MEIKIN: variants seen among roughly 807,000 people sequenced by gnomAD.
The protein encoded by MEIKIN is meiosis-specific kinetochore protein.
At chr5:131,943,366 T>C (rs1751906647) in intron 3 of MEIKIN, among the ~76,000 whole-genome samples, 1 of 152,126 alleles carries the variant, frequency 6.6e-6, no homozygotes, top group South Asian at 2.1e-4. Flanking sequence ...TGAAACATGA[T>C]CCAACCTGTG....
chr5:131,927,154 A>G (rs1047071381), intron 5 of MEIKIN, among the ~76,000 whole-genome samples: 1 of 149,598 alleles, frequency 6.7e-6, no homozygotes, highest in Non-Finnish European at 1.5e-5. Context: ...TGCTTTTGCT[A>G]TATCCCACGT....
chr5:131,910,968 C>T (rs1435253036), intron 8 of MEIKIN, among the ~76,000 whole-genome samples: 1 of 152,064 alleles, frequency 6.6e-6, no homozygotes, highest in Admixed American at 6.6e-5. Context: ...ACACTTACCA[C>T]TTTCCCTTTA....
intron 6 of MEIKIN, among the ~76,000 whole-genome samples, chr5:131,917,786 T>C (rs1751437064): frequency 6.6e-6 from 1 of 152,132 alleles, no homozygotes; most frequent in Non-Finnish European, 1.5e-5. Flanking sequence ...TTATGTTAGA[T>C]TAGAATTTTT....
At chr5:131,814,702 T>A (rs896081984) in intron 12 of MEIKIN, among the ~76,000 whole-genome samples, 1 of 152,196 alleles carries the variant, frequency 6.6e-6, no homozygotes, top group African/African-American at 2.4e-5. Flanking sequence ...GAATATAGGA[T>A]AATCAAGTCT....
Position 131,941,569 on chromosome 5 carries a change from A to T in MEIKIN, c.349+1066T>A, listed in dbSNP as rs182159303. The stretch of plus-strand genomic sequence containing the variant: ...TTTTCCTGCTGTTGATATGTTCATC[A>T]ATCTTGTCTCATTTGCTTTTAAGAA... On this transcript the variant is annotated intron_variant, in intron 4 of 12. Transcript: ENST00000442687. 1.1e-3 allele frequency among the ~76,000 whole-genome samples: 163 copies of T among 152,182 alleles called. 2 individuals are homozygous for T. Among genetic ancestry groups the T allele is most frequent in the Non-Finnish European group, 2.5e-4 (17 of 68,002 alleles).
intron 9 of MEIKIN, among the ~76,000 whole-genome samples, chr5:131,868,838 T>C (rs534199735): frequency 2.0e-5 from 3 of 152,310 alleles, no homozygotes; most frequent in East Asian, 3.9e-4. Context: ...CTGGCCCTTA[T>C]TGTTGAATTT....
At chr5:131,935,737 T>C (rs1427642143) in intron 4 of MEIKIN, among the ~76,000 whole-genome samples, 2 of 152,182 alleles carry the variant, frequency 1.3e-5, no homozygotes, top group Non-Finnish European at 2.9e-5. Flanking sequence ...TCTTTGTCCT[T>C]CCTCCTAAGA....
intron 10 of MEIKIN, among the ~76,000 whole-genome samples, chr5:131,852,186 A>T (rs1489284700): frequency 6.6e-6 from 1 of 151,974 alleles, no homozygotes; most frequent in Non-Finnish European, 1.5e-5. Flanking sequence ...CAAGGGAGGG[A>T]CCCGGTGTGA....
chr5:131,870,924 T>C lies in MEIKIN; in HGVS notation c.774+8054A>G, dbSNP rs565002997. ...CTAGTGTAGTAGAAAGAGTATAGGC[T>C]TTAGATCCGGAAAGACCTGCCACAA... is the stretch of plus-strand genomic sequence containing the variant. On this transcript the variant is annotated intron_variant, in intron 9 of 12. Transcript: ENST00000442687. Among the ~76,000 whole-genome samples the C allele has an allele frequency of 2.0e-4, 30 of 152,242 alleles. No homozygotes were observed. The South Asian group carries it at 6.2e-3, about 32-fold the overall frequency.
At chr5:131,864,322 T>C (rs1472933099) in intron 9 of MEIKIN, among the ~76,000 whole-genome samples, 1 of 152,220 alleles carries the variant, frequency 6.6e-6, no homozygotes, top group African/African-American at 2.4e-5. Context: ...CCTTTGTGTG[T>C]TTGCTTTACT....
intron 11 of MEIKIN, among the ~76,000 whole-genome samples, chr5:131,823,668 C>T (rs538852796): frequency 9.2e-5 from 14 of 152,100 alleles, no homozygotes; most frequent in Non-Finnish European, 1.9e-4. Flanking sequence ...ACATATATCT[C>T]TGTTCTCCAG....
rs1750769440 is a variant in MEIKIN, at chr5:131,885,366, AG to A, written c.704-6319del. On this transcript the variant is annotated intron_variant, in intron 8 of 12. Transcript: ENST00000442687. ...AAGAGAGAGAGAGAGAGAGAGAGAG[AG>A]AGAGAGAGAGAGAGAGAGAGAGAGA... Among the ~76,000 whole-genome samples the A allele has an allele frequency of 4.1e-3, 280 of 69,060 alleles. 9 individuals are homozygous for A. The highest frequency in any genetic ancestry group is 0.01 in the African/African-American group (225 of 21,926). The allele number at this position is 69,060 out of a possible 152,430, so 45.3% of individuals were successfully genotyped here.
intron 8 of MEIKIN, among the ~76,000 whole-genome samples, chr5:131,885,086 C>T (rs959019184): frequency 6.6e-6 from 1 of 152,150 alleles, no homozygotes; most frequent in Non-Finnish European, 1.5e-5. Context: ...TCTGGACCTG[C>T]CCAGGGTCTG....
intron 3 of MEIKIN, among the ~76,000 whole-genome samples, 161 bp from the exon 4 acceptor site, chr5:131,942,856 A>G (rs1751896837): frequency 6.6e-6 from 1 of 152,154 alleles, no homozygotes. Context: ...ATGTAATCTG[A>G]TATTTAATAT....
intron 12 of MEIKIN, among the ~76,000 whole-genome samples, chr5:131,808,844 G>A (rs1772896107): frequency 6.6e-6 from 1 of 152,178 alleles, no homozygotes; most frequent in African/African-American, 2.4e-5. Flanking sequence ...GGGAGGCCAA[G>A]GTGAGCAGAT....
intron 11 of MEIKIN, among the ~76,000 whole-genome samples, chr5:131,825,961 G>A (rs73259915): frequency 2.0e-5 from 3 of 152,210 alleles, no homozygotes; most frequent in African/African-American, 4.8e-5. Context: ...TTAGAAATGT[G>A]TACCAAGAAA....
chr5:131,907,733 G>A (rs893498378), intron 8 of MEIKIN, among the ~76,000 whole-genome samples: 7 of 151,684 alleles, frequency 4.6e-5, no homozygotes, highest in African/African-American at 9.7e-5. Flanking sequence ...TTAGCCGGGC[G>A]TGGTGGCATG....
At chr5:131,941,315 C>T (rs1054059689) in intron 4 of MEIKIN, among the ~76,000 whole-genome samples, 12 of 147,004 alleles carry the variant, frequency 8.2e-5, no homozygotes, top group African/African-American at 1.4e-4. Flanking sequence ...CCTGCCACCA[C>T]GCCTGGCTAA....
intron 12 of MEIKIN, among the ~76,000 whole-genome samples, chr5:131,812,182 G>A (rs111323388): frequency 2.0e-5 from 3 of 152,174 alleles, no homozygotes; most frequent in Middle Eastern, 3.4e-3. Context: ...TTTGTTAAAC[G>A]CATCATTATG....
Sources: gnomAD v4.1 joint callset for allele counts (sites outside exome capture counted in the v4.1 genomes callset) on GRCh38, gnomAD v4.1.1 for gene constraint, MANE v1.5 for transcripts, NCBI Gene and HGNC (gene_info 2026-07-23, HGNC 2026-07-21) for gene names.